Variants in RAD52 observed in about 807,000 individuals in gnomAD.
RAD52 encodes RAD52 DNA repair protein.
A neutral mutation model predicts 55.5 loss-of-function variants in RAD52; 47 were observed. The ratio of observed to expected loss-of-function variants is 0.85; its 90% CI spans 0.67 to 1.08. The LOEUF (loss-of-function observed/expected upper bound fraction) is 1.08, where lower values mean the gene tolerates loss of function less well. Ranked by LOEUF, RAD52 falls within the 50% of genes least tolerant of loss-of-function variation. The pLI, the probability that RAD52 is intolerant of heterozygous loss-of-function variation, is 0.00. For missense variants in RAD52, 468 were observed against 522.8 expected (o/e 0.90, Z 1.02); for synonymous variants, 184 against 198.9 (o/e 0.92, Z 0.63).
chr12:979,458 G>A (rs1958980645), intron 1 of RAD52, among the ~76,000 whole-genome samples: 1 of 151,960 alleles, frequency 6.6e-6, no homozygotes, highest in African/African-American at 2.4e-5. Flanking sequence ...AAAAAAAAAG[G>A]TTAATTGAGG....
At chr12:932,833 C>A (rs535545716) in intron 2 of RAD52, 142 bp downstream of exon 2, 4 of 645,300 alleles carry the variant, frequency 6.2e-6, no homozygotes, top group Non-Finnish European at 1.1e-5. Flanking sequence ...ACTAGGTAAA[C>A]GTACTAGGTA....
Position 913,271 on chromosome 12 carries a change from T to C in RAD52, c.*120A>G. Reference sequence around the variant, plus strand: ...CAGATCCTCTTGATAAGGTTCAGAATGAAGCAAGATAAATCGCAATGACGT... The same window carrying C: ...CAGATCCTCTTGATAAGGTTCAGAACGAAGCAAGATAAATCGCAATGACGT... On this transcript the variant is annotated 3_prime_UTR_variant, in exon 12 of 12. Coordinates refer to ENST00000358495, the MANE Select transcript of RAD52 (RefSeq NM_134424.4). 1.2e-6 allele frequency: 1 copy of C among 810,264 alleles called. No individual in the cohort carries two copies. Among genetic ancestry groups the C allele is most frequent in the South Asian group, 1.7e-5 (1 of 60,340 alleles). 50.2% of individuals were successfully genotyped at this position (810,264 alleles called of 1,614,324 possible).
intron 9 of RAD52, among the ~76,000 whole-genome samples, chr12:915,650 C>T (rs533437817): frequency 3.9e-5 from 6 of 152,236 alleles, no homozygotes; most frequent in South Asian, 2.1e-4. Flanking sequence ...CAAAAGTTCC[C>T]GTTATTCTCA....
intron 5 of RAD52, among the ~76,000 whole-genome samples, chr12:928,582 G>GA (rs574901411): frequency 6.6e-6 from 1 of 151,310 alleles, no homozygotes; most frequent in Non-Finnish European, 1.5e-5. Flanking sequence ...TAACTGAAAA[G>GA]AAAAAACAGC....
chr12:937,464 C>T (rs1957699070), intron 1 of RAD52, among the ~76,000 whole-genome samples: 2 of 151,796 alleles, frequency 1.3e-5, no homozygotes, highest in South Asian at 4.2e-4. Context: ...CGCTCTGTCA[C>T]CCAGGCTGGA....
chr12:929,718 T>C, intron 5 of RAD52, 101 bp downstream of exon 5: 5 of 1,129,866 alleles, frequency 4.4e-6, no homozygotes, highest in Non-Finnish European at 6.8e-6. Context: ...GACACAACTC[T>C]GGAGCCTGGG....
chr12:945,841 G>A (rs926149099), intron 1 of RAD52, among the ~76,000 whole-genome samples: 3 of 151,526 alleles, frequency 2.0e-5, no homozygotes, highest in African/African-American at 7.3e-5. Flanking sequence ...CGGCCAACAT[G>A]GTGAAACTCC....
chr12:975,410 A>C (rs1295931777), intron 1 of RAD52: 3 of 152,218 alleles, frequency 2.0e-5, no homozygotes, highest in Non-Finnish European at 4.4e-5. Flanking sequence ...AACAATGACC[A>C]AAAACCACTC....
intron 1 of RAD52, among the ~76,000 whole-genome samples, chr12:944,607 G>GT (rs1330485946): frequency 2.1e-4 from 23 of 107,740 alleles, no homozygotes; most frequent in Non-Finnish European, 3.1e-4. Context: ...TAAAAACATG[G>GT]TAAAAAAAAA....
intron 9 of RAD52, 50 bp from the exon 10 acceptor site, chr12:914,582 T>A: frequency 6.2e-7 from 1 of 1,607,558 alleles, no homozygotes; most frequent in Non-Finnish European, 8.5e-7. Flanking sequence ...CATCACTGCA[T>A]GGGATTTCAG....
Position 912,197 on chromosome 12 carries a change from GA to G in RAD52, c.*1193del. 1 of 195,382 alleles carries G rather than the reference GA, an allele frequency of 5.1e-6. No individual in the cohort carries two copies. The highest frequency in any genetic ancestry group is 1.1e-5 in the Non-Finnish European group (1 of 93,836). 12.1% of individuals were successfully genotyped at this position (195,382 alleles called of 1,614,324 possible). A position where few individuals can be genotyped will look rare whatever the true frequency, so the allele number is the denominator to read the frequency against. Reference sequence around the variant, plus strand: ...CCCTAATTGAAATGCTCTGAGATCAGAAAATTTCTGAGCACTGACGTGATGC... The same window carrying G: ...CCCTAATTGAAATGCTCTGAGATCAGAAATTTCTGAGCACTGACGTGATGC... On this transcript the variant is annotated 3_prime_UTR_variant, in exon 12 of 12. Coordinates refer to ENST00000358495, the MANE Select transcript of RAD52 (RefSeq NM_134424.4).
intron 1 of RAD52, among the ~76,000 whole-genome samples, chr12:940,607 G>A (rs575823666): frequency 2.0e-5 from 3 of 151,822 alleles, no homozygotes; most frequent in Admixed American, 6.6e-5. Flanking sequence ...GCAAGACTCC[G>A]TCTAAAACAA....
chr12:929,710 C>G, intron 5 of RAD52, 109 bp downstream of exon 5: 1 of 1,053,128 alleles, frequency 9.5e-7, no homozygotes, highest in South Asian at 1.3e-5. Flanking sequence ...CTGGCTGAGA[C>G]ACAACTCTGG....
At chr12:983,078 G>C (rs1363226159) in intron 1 of RAD52, among the ~76,000 whole-genome samples, 1 of 149,500 alleles carries the variant, frequency 6.7e-6, no homozygotes, top group Non-Finnish European at 1.5e-5. Context: ...TCGAACTCTT[G>C]ATCTCAAGTG....
At chr12:956,603 G>A (rs1958609532) in intron 1 of RAD52, among the ~76,000 whole-genome samples, 1 of 152,202 alleles carries the variant, frequency 6.6e-6, no homozygotes, top group Non-Finnish European at 1.5e-5. Flanking sequence ...CTGGAGTGCA[G>A]TGGTGTGATA....
intron 6 of RAD52, among the ~76,000 whole-genome samples, chr12:925,855 C>A (rs761604366): frequency 1.3e-5 from 2 of 151,926 alleles, no homozygotes; most frequent in South Asian, 2.1e-4. Flanking sequence ...TTTTTCCCCC[C>A]AAAGGCTGCT....
intron 1 of RAD52, among the ~76,000 whole-genome samples, chr12:944,301 C>T (rs1592433393): frequency 6.6e-6 from 1 of 151,946 alleles, no homozygotes; most frequent in East Asian, 1.9e-4. Flanking sequence ...GGAAGGATCG[C>T]TTGAGGCTCA....
At position 913,077 on chromosome 12, in the gene RAD52, T is replaced by TTATATTGTC. The variant is rs1956184580; in HGVS notation, c.*313_*314insGACAATATA. Reference sequence around the variant, plus strand: ...TATATTGCTTGAGGGCAAGGAGCCATTGGTGATTCCTAAAATGTCCATCTT... The same window carrying TTATATTGTC: ...TATATTGCTTGAGGGCAAGGAGCCATTATATTGTCTGGTGATTCCTAAAATGTCCATCTT... On this transcript the variant is annotated 3_prime_UTR_variant, in exon 12 of 12. Transcript: ENST00000358495. The TTATATTGTC allele has an allele frequency of 2.0e-5, 4 of 197,744 alleles. No individual in the cohort carries two copies. The highest frequency in any genetic ancestry group is 1.7e-5 in the Non-Finnish European group (2 of 114,706). 12.2% of individuals were successfully genotyped at this position (197,744 alleles called of 1,614,324 possible).
chr12:969,674 C>T (rs1958814929), intron 1 of RAD52, among the ~76,000 whole-genome samples: 3 of 151,674 alleles, frequency 2.0e-5, no homozygotes, highest in Admixed American at 6.6e-5. Context: ...TCCTGTAGTC[C>T]CAGCTACTTG....
Sources: gnomAD v4.1 joint callset for allele counts (sites outside exome capture counted in the v4.1 genomes callset) on GRCh38, gnomAD v4.1.1 for gene constraint, MANE v1.5 for transcripts, NCBI Gene and HGNC (gene_info 2026-07-23, HGNC 2026-07-21) for gene names.